Variants in STX7 observed in about 807,000 individuals in gnomAD.
STX7 encodes syntaxin-7.
STX7 carries 34 observed loss-of-function variants against 39.6 expected under a neutral mutation model. The observed-to-expected ratio is 0.86, with a 90% CI of 0.65 to 1.14. The LOEUF (loss-of-function observed/expected upper bound fraction) is 1.14. STX7 is among the 50% of genes most tolerant of loss of function. The pLI is 0.00. For missense variants in STX7, 284 were observed against 310.4 expected (o/e 0.92, Z 0.64); for synonymous variants, 119 against 99.1 (o/e 1.20, Z -1.19).
At chr6:132,480,602 G>A (rs539717039) in intron 2 of STX7, among the ~76,000 whole-genome samples, 89 of 152,236 alleles carry the variant, frequency 5.8e-4, no homozygotes, top group African/African-American at 2.1e-3. Flanking sequence ...TTTGGGGTAC[G>A]CTCATACACA....
rs1293168357 is a variant in STX7, at chr6:132,446,942, A to G, written c.*13816T>C. ...GCCAATAGAAGAGAGACAGTACTCT[A>G]AAAGAAGGCCTAGGAGCCATGAATA... On this transcript the variant is annotated 3_prime_UTR_variant, in exon 10 of 10. Coordinates refer to ENST00000367941, the MANE Select transcript of STX7 (RefSeq NM_003569.3). 6.6e-6 allele frequency: 1 copy of G among 152,198 alleles called. No individual in the cohort carries two copies. The highest frequency in any genetic ancestry group is 6.5e-5 in the Admixed American group (1 of 15,276). 9.4% of individuals were successfully genotyped at this position (152,198 alleles called of 1,614,324 possible).
rs568563463 is a variant in STX7, at chr6:132,451,666, A to C, written c.*9092T>G. 2 of 152,334 alleles carry C rather than the reference A, an allele frequency of 1.3e-5. No homozygotes were observed. Among genetic ancestry groups the C allele is most frequent in the Middle Eastern group, 6.8e-3 (2 of 294 alleles). 9.4% of individuals were successfully genotyped at this position (152,334 alleles called of 1,614,324 possible). A position where few individuals can be genotyped will look rare whatever the true frequency, so the allele number is the denominator to read the frequency against. ...AATACAACCAAAAACTCTACATATAAATCTGAGAGCTTAGATGAAATGGAC... is the reference window on the plus strand; with the variant it reads ...AATACAACCAAAAACTCTACATATACATCTGAGAGCTTAGATGAAATGGAC... On this transcript the variant is annotated 3_prime_UTR_variant, in exon 10 of 10. Transcript: ENST00000367941.
intron 2 of STX7, among the ~76,000 whole-genome samples, chr6:132,491,585 T>C (rs1775290560): frequency 6.6e-6 from 1 of 152,114 alleles, no homozygotes; most frequent in Non-Finnish European, 1.5e-5. Context: ...CTATCTTAAT[T>C]TTTTTGTGAT....
chr6:132,455,837 G>A lies in STX7; in HGVS notation c.*4921C>T, dbSNP rs1414677109. 1 of 152,104 alleles carries A rather than the reference G, an allele frequency of 6.6e-6. No individual in the cohort carries two copies. Among genetic ancestry groups the A allele is most frequent in the African/African-American group, 2.4e-5 (1 of 41,428 alleles). 9.4% of individuals were successfully genotyped at this position (152,104 alleles called of 1,614,324 possible). A position where few individuals can be genotyped will look rare whatever the true frequency, so the allele number is the denominator to read the frequency against. On this transcript the variant is annotated 3_prime_UTR_variant, in exon 10 of 10. Coordinates refer to ENST00000367941, the MANE Select transcript of STX7 (RefSeq NM_003569.3). ...TATGGTATTTGAATAATGAGAAAAT[G>A]GGCCAATAGGAAGATTTTCTTCTTT...
rs188673939 is a variant in STX7, at chr6:132,460,735, C to A, written c.*23G>T. The A allele has an allele frequency of 2.0e-6, 3 of 1,525,764 alleles. No homozygotes were observed. Among genetic ancestry groups the A allele is most frequent in the East Asian group, 4.5e-5 (2 of 44,214 alleles). The allele number at this position is 1,525,764 out of a possible 1,614,324, so 94.5% of individuals were successfully genotyped here. On this transcript the variant is annotated 3_prime_UTR_variant, in exon 10 of 10. Transcript: ENST00000367941. ...CCTACATAATTTAGACAATGTAGTG[C>A]GACAGTGTGCTCCTTTATAACTTCA...
intron 8 of STX7, among the ~76,000 whole-genome samples, chr6:132,465,306 A>C (rs1026842825): frequency 4.6e-5 from 7 of 151,846 alleles, no homozygotes; most frequent in Non-Finnish European, 1.0e-4. Flanking sequence ...TCTAGAGCTC[A>C]CTCCTTCTAA....
chr6:132,462,582 G>T (rs927494427), intron 9 of STX7, among the ~76,000 whole-genome samples: 4 of 144,896 alleles, frequency 2.8e-5, no homozygotes, highest in Non-Finnish European at 6.0e-5. Context: ...CATTTGCAGG[G>T]GTGTGTGTGT....
intron 1 of STX7, among the ~76,000 whole-genome samples, chr6:132,509,492 C>G (rs200179612): frequency 7.7e-6 from 1 of 130,436 alleles, no homozygotes; most frequent in Admixed American, 7.5e-5. Context: ...CATAACATAA[C>G]ATAACATAAC....
rs564042376 is a variant in STX7, at chr6:132,454,565, A to G, written c.*6193T>C. 1.5e-4 allele frequency: 23 copies of G among 152,342 alleles called. No homozygotes were observed. Among genetic ancestry groups the G allele is most frequent in the African/African-American group, 5.5e-4 (23 of 41,570 alleles). The allele number at this position is 152,342 out of a possible 1,614,324, so 9.4% of individuals were successfully genotyped here. On this transcript the variant is annotated 3_prime_UTR_variant, in exon 10 of 10. Transcript: ENST00000367941. The stretch of plus-strand genomic sequence containing the variant: ...GCATTAAACATATTTTATACTTTAT[A>G]AAGAATGGGCTCTATTTCAAATGTC...
chr6:132,463,790 T>G (rs766788670), intron 9 of STX7, among the ~76,000 whole-genome samples: 1 of 152,212 alleles, frequency 6.6e-6, no homozygotes, highest in Non-Finnish European at 1.5e-5. Flanking sequence ...CCAACAATTC[T>G]GGTTCAACCC....
rs1044083 is a variant in STX7 at position 132,459,028 on chromosome 6, G to A, written c.*1730C>T. On this transcript the variant is annotated 3_prime_UTR_variant, in exon 10 of 10. Transcript: ENST00000367941. ...AACTGATTGTGAAAGCCATGGGGAT[G>A]GGACTTTAAAACAGCGGTAAGACGC... 0.23 allele frequency: 34,629 copies of A among 152,036 alleles called. 4,059 individuals are homozygous for A. Among genetic ancestry groups the A allele is most frequent in the African/African-American group, 0.28 (11,751 of 41,448 alleles). The allele number at this position is 152,036 out of a possible 1,614,324, so 9.4% of individuals were successfully genotyped here. A position where few individuals can be genotyped will look rare whatever the true frequency, so the allele number is the denominator to read the frequency against.
intron 2 of STX7, among the ~76,000 whole-genome samples, chr6:132,482,331 G>C (rs1274119813): frequency 3.9e-5 from 6 of 152,156 alleles, no homozygotes; most frequent in Admixed American, 2.6e-4. Flanking sequence ...GTCTACACTT[G>C]AGGATCAATT....
intron 3 of STX7, among the ~76,000 whole-genome samples, chr6:132,473,962 G>A (rs1774804950): frequency 6.6e-6 from 1 of 151,990 alleles, no homozygotes; most frequent in South Asian, 2.1e-4. Flanking sequence ...GGACATGGTG[G>A]CTCATGCCTG....
Position 132,471,495 on chromosome 6 carries a change from CA to C in STX7, c.354del (p.Phe118LeufsTer5). ...QRQAAEREKEFVARVRASSRV... is the reference protein window; with the variant it reads ...QRQAAEREKEXVARVRASSRV... ...CTGGAACTGGCTCTTACTCGAGCAA[CA>C]AACTCTTTCTCTCGCTCAGCAGCCT... On this transcript the variant is annotated frameshift_variant, in exon 5 of 10. Transcript: ENST00000367941. LOFTEE classifies it high-confidence loss of function. The C allele has an allele frequency of 6.2e-7, 1 of 1,613,990 alleles. No homozygotes were observed. Among genetic ancestry groups the C allele is most frequent in the Non-Finnish European group, 8.5e-7 (1 of 1,179,932 alleles).
At position 132,472,346 on chromosome 6, in the gene STX7, AGCTGGTTAGTATACT is replaced by A; in HGVS notation, c.170_184del (p.Gln57_Gln61del). The A allele has an allele frequency of 6.2e-7, 1 of 1,613,652 alleles. No homozygotes were observed. Among genetic ancestry groups the A allele is most frequent in the Non-Finnish European group, 8.5e-7 (1 of 1,179,866 alleles). On this transcript the variant is annotated inframe_deletion, in exon 4 of 10. Coordinates refer to ENST00000367941, the MANE Select transcript of STX7 (RefSeq NM_003569.3). ...AATGTACTTATCTGTTTCTTTGGCA[AGCTGGTTAGTATACT>A]GCTGCTTCTGTTGCCTAAAGTGAGA... is the stretch of plus-strand genomic sequence containing the variant.
intron 8 of STX7, among the ~76,000 whole-genome samples, chr6:132,465,993 T>C: frequency 6.6e-6 from 1 of 152,166 alleles, no homozygotes. Context: ...AACCTCTCAT[T>C]TATTCCACAT....
Position 132,464,093 on chromosome 6 carries a change from C to A in STX7, c.611-18G>T. ...TATGCTATCTGTAAAATAAAACACA[C>A]ACACACAAATGTGTTAAACATGGAT... On this transcript the variant is annotated intron_variant, in intron 8 of 9. Coordinates refer to ENST00000367941, the MANE Select transcript of STX7 (RefSeq NM_003569.3). 6.2e-7 allele frequency: 1 copy of A among 1,605,370 alleles called. No individual in the cohort carries two copies. The highest frequency in any genetic ancestry group is 8.5e-7 in the Non-Finnish European group (1 of 1,172,472).
At chr6:132,471,910 A>C (rs1434290010) in intron 4 of STX7, among the ~76,000 whole-genome samples, 2 of 152,184 alleles carry the variant, frequency 1.3e-5, no homozygotes, top group African/African-American at 4.8e-5. Context: ...TAGCTAAGTA[A>C]TAACTTCCAT....
chr6:132,469,895 G>C (rs974108798), intron 7 of STX7, 56 bp downstream of exon 7: 1 of 1,425,204 alleles, frequency 7.0e-7, no homozygotes, highest in African/African-American at 1.5e-5. Flanking sequence ...TAAGCATCTT[G>C]AGAACAAACT....
Sources: allele counts gnomAD v4.1 joint callset (sites outside exome capture counted in the v4.1 genomes callset), GRCh38; gene constraint gnomAD v4.1.1; transcripts MANE v1.5; gene names NCBI Gene and HGNC (gene_info 2026-07-23, HGNC 2026-07-21).